CHD9: variants seen among roughly 807,000 people sequenced by gnomAD.
The protein encoded by CHD9 is ATP-dependent chromatin remodeler CHD9.
Under a neutral mutation model 316.1 loss-of-function variants are expected in CHD9, and 77 were observed. The observed-to-expected ratio is 0.24, with a 90% confidence interval of 0.20 to 0.29. The LOEUF is 0.29. Ranked by LOEUF, CHD9 falls within the 10% of genes least tolerant of loss-of-function variation. The pLI is 1.00. For synonymous variants in CHD9, 1,129 were observed against 1,158.3 expected, an observed-to-expected ratio of 0.97 and a Z score of 0.51; for missense variants, 2,763 against 3,438.1, an observed-to-expected ratio of 0.80 and a Z score of 4.91.
intron 2 of CHD9, among the ~76,000 whole-genome samples, chr16:53,164,632 G>T (rs367989436): frequency 2.0e-5 from 3 of 146,574 alleles, no homozygotes; most frequent in South Asian, 2.1e-4. Flanking sequence ...TCTGTTTTTT[G>T]TTTTTTTTTT....
rs538772153 is a variant in CHD9 at position 53,140,422 on chromosome 16, A to C, written c.-164-15504A>C. 2.0e-5 allele frequency among the ~76,000 whole-genome samples: 3 copies of C among 152,064 alleles called. No individual in the cohort carries two copies. In the East Asian group the frequency reaches 5.8e-4, roughly 29 times the overall value. On this transcript the variant is annotated intron_variant, in intron 1 of 38. Transcript: ENST00000447540. ...ACAGAGCACAACTCTGTCTCAAAAA[A>C]AAAAAAAAAAAGAATATTTAGATTT... is the stretch of plus-strand genomic sequence containing the variant.
At chr16:53,304,693 CTTT>C (rs376929117) in intron 31 of CHD9, 68 bp downstream of exon 31, 4,031 of 759,602 alleles carry the variant, frequency 5.3e-3, no homozygotes, top group Middle Eastern at 7.0e-3. Context: ...CTTTTCTTTT[CTTT>C]TTTTTTTTTT....
intron 1 of CHD9, among the ~76,000 whole-genome samples, chr16:53,063,204 G>A (rs1159774027): frequency 6.6e-6 from 1 of 151,378 alleles, no homozygotes; most frequent in Non-Finnish European, 1.5e-5. Context: ...GGGACTCTTT[G>A]CCCCATGTTA....
chr16:53,269,955 A>G (rs1057154278), intron 22 of CHD9, among the ~76,000 whole-genome samples: 1 of 152,068 alleles, frequency 6.6e-6, no homozygotes, highest in Admixed American at 6.6e-5. Flanking sequence ...ATAACCTAAA[A>G]GAGATTGAAA....
intron 11 of CHD9, among the ~76,000 whole-genome samples, chr16:53,237,599 T>C (rs1164157680): frequency 6.6e-6 from 1 of 152,110 alleles, no homozygotes; most frequent in Non-Finnish European, 1.5e-5. Context: ...GCTCATTCAC[T>C]GTGCTCTCTG....
intron 9 of CHD9, 58 bp from the exon 10 acceptor site, chr16:53,231,589 T>G: frequency 7.1e-7 from 1 of 1,418,174 alleles, no homozygotes; most frequent in Non-Finnish European, 9.7e-7. Context: ...ATTCTCTGTT[T>G]AAACTATTTC....
intron 2 of CHD9, among the ~76,000 whole-genome samples, chr16:53,177,660 AGT>A (rs1309750639): frequency 2.0e-5 from 3 of 152,148 alleles, no homozygotes; most frequent in Non-Finnish European, 2.9e-5. Flanking sequence ...ATTTTTATGC[AGT>A]CTTACTCCTA....
intron 2 of CHD9, among the ~76,000 whole-genome samples, chr16:53,170,246 A>G (rs2042603603): frequency 6.6e-6 from 1 of 152,146 alleles, no homozygotes; most frequent in Non-Finnish European, 1.5e-5. Context: ...TTAAAAAATC[A>G]GTTGTAAAAA....
At chr16:53,120,181 A>G (rs2038630468) in intron 1 of CHD9, among the ~76,000 whole-genome samples, 1 of 152,188 alleles carries the variant, frequency 6.6e-6, no homozygotes, top group Non-Finnish European at 1.5e-5. Context: ...GCAACAAACT[A>G]TGATTGCACC....
rs971258075 is a variant in CHD9 at position 53,274,416 on chromosome 16, A to C, written c.4967+114A>C. On this transcript the variant is annotated intron_variant, in intron 24 of 38. Transcript: ENST00000447540. ...CTGCCTCCTGAGAGGCTCGCACTGT[A>C]GGCACACCACCACACCTGGCTTAAA... 56 of 544,910 alleles carry C rather than the reference A, an allele frequency of 1.0e-4. 1 individual carries two copies. Among genetic ancestry groups the C allele is most frequent in the Admixed American group, 3.6e-4 (10 of 27,510 alleles). 33.8% of individuals were successfully genotyped at this position (544,910 alleles called of 1,614,324 possible).
chr16:53,273,095 C>G (rs72799630), intron 22 of CHD9, among the ~76,000 whole-genome samples: 2 of 82,748 alleles, frequency 2.4e-5, no homozygotes, highest in Non-Finnish European at 5.5e-5. Flanking sequence ...TCAAAAAAAA[C>G]AAAACAAAAC....
At chr16:53,081,928 A>G (rs912969148) in intron 1 of CHD9, among the ~76,000 whole-genome samples, 1 of 152,144 alleles carries the variant, frequency 6.6e-6, no homozygotes, top group African/African-American at 2.4e-5. Flanking sequence ...TCCTCTATAA[A>G]AACAATATTT....
At chr16:53,250,240 TATA>T in intron 17 of CHD9, 174 bp downstream of exon 17, 2 of 588,286 alleles carry the variant, frequency 3.4e-6, no homozygotes, top group Admixed American at 7.1e-5. Flanking sequence ...TGATAAAAAC[TATA>T]ATGACAAAAA....
chr16:53,287,278 G>A (rs757778137), intron 26 of CHD9, among the ~76,000 whole-genome samples: 10 of 152,054 alleles, frequency 6.6e-5, no homozygotes, highest in East Asian at 1.9e-4. Flanking sequence ...AGCTTTTTTC[G>A]CATATTTTCA....
At chr16:53,291,127 G>A (rs904222706) in intron 27 of CHD9, among the ~76,000 whole-genome samples, 10 of 152,146 alleles carry the variant, frequency 6.6e-5, no homozygotes. Context: ...AAAGCAACCA[G>A]AGAAAAAGAG....
intron 17 of CHD9, 95 bp downstream of exon 17, chr16:53,250,161 C>T: frequency 1.3e-6 from 1 of 745,260 alleles, no homozygotes; most frequent in East Asian, 2.6e-5. Flanking sequence ...TTTATCTGGA[C>T]AAACTAATGT....
At chr16:53,087,875 G>A (rs2035594391) in intron 1 of CHD9, among the ~76,000 whole-genome samples, 1 of 151,852 alleles carries the variant, frequency 6.6e-6, no homozygotes, top group Admixed American at 6.6e-5. Context: ...TTGAATCCAG[G>A]AGGCTGAGTT....
At chr16:53,130,291 C>T (rs1039760706) in intron 1 of CHD9, among the ~76,000 whole-genome samples, 4 of 152,156 alleles carry the variant, frequency 2.6e-5, no homozygotes, top group Admixed American at 2.0e-4. Flanking sequence ...GGTCTCCGCG[C>T]GAAAGGAGAA....
chr16:53,237,494 C>T (rs2048732519), intron 11 of CHD9, among the ~76,000 whole-genome samples: 1 of 151,994 alleles, frequency 6.6e-6, no homozygotes, highest in African/African-American at 2.4e-5. Flanking sequence ...TATTTATGAC[C>T]CTACTTACCT....
Sources: allele counts gnomAD v4.1 joint callset (sites outside exome capture counted in the v4.1 genomes callset), GRCh38; gene constraint gnomAD v4.1.1; transcripts MANE v1.5; gene names NCBI Gene and HGNC (gene_info 2026-07-23, HGNC 2026-07-21).